CA1: variants seen among roughly 807,000 people sequenced by gnomAD.
CA1 encodes the protein carbonic anhydrase 1.
Under a neutral mutation model 28.8 loss-of-function variants are expected in CA1, and 27 were observed. The observed-to-expected ratio is 0.94, with a 90% CI of 0.69 to 1.29. CA1 has a LOEUF of 1.29. Ranked by LOEUF, CA1 falls within the 50% of genes most tolerant of loss-of-function variation. CA1 has a pLI of 0.00. For synonymous variants in CA1, 121 were observed against 108.8 expected (o/e 1.11, Z -0.70); for missense variants, 335 against 310.5 (o/e 1.08, Z -0.59).
At chr8:85,347,825 G>A (rs1809260301) in intron 1 of CA1, among the ~76,000 whole-genome samples, 1 of 151,952 alleles carries the variant, frequency 6.6e-6, no homozygotes. Flanking sequence ...AAAACTTTAG[G>A]TGTTGATTTC....
At chr8:85,344,126 TAA>T (rs1809035126) in intron 1 of CA1, among the ~76,000 whole-genome samples, 1 of 138,492 alleles carries the variant, frequency 7.2e-6, no homozygotes, top group Non-Finnish European at 1.5e-5. Flanking sequence ...ATATAAAATT[TAA>T]ATTTATATAT....
At chr8:85,351,324 C>T (rs747819275) in intron 1 of CA1, among the ~76,000 whole-genome samples, 4 of 152,032 alleles carry the variant, frequency 2.6e-5, no homozygotes, top group Non-Finnish European at 5.9e-5. Context: ...TCAGAGGTGG[C>T]GAATGAAACT....
chr8:85,332,110 A>G lies in CA1; in HGVS notation c.513+380T>C, dbSNP rs532898654. On this transcript the variant is annotated intron_variant, in intron 6 of 7. Transcript: ENST00000523022. ...GGTTATCAAAGATTGTATATCAACC[A>G]TATCTCAAAAGAATGCCCTTTACTT... Among the ~76,000 whole-genome samples the G allele has an allele frequency of 1.1e-4, 17 of 152,302 alleles. No homozygotes were observed. In the South Asian group the frequency reaches 3.3e-3, roughly 30 times the overall value.
At chr8:85,328,818 C>T (rs1241380463) in intron 7 of CA1, 142 bp from the exon 8 acceptor site, 1 of 474,642 alleles carries the variant, frequency 2.1e-6, no homozygotes, top group African/African-American at 2.0e-5. Context: ...GAGAAAGCCC[C>T]AAATCCTTTA....
intron 1 of CA1, among the ~76,000 whole-genome samples, chr8:85,373,629 T>A (rs1467828926): frequency 6.6e-6 from 1 of 152,202 alleles, no homozygotes; most frequent in African/African-American, 2.4e-5. Context: ...CATAGATGTG[T>A]TTGTATAAGG....
At chr8:85,369,151 G>T (rs1289361167) in intron 1 of CA1, among the ~76,000 whole-genome samples, 1 of 152,088 alleles carries the variant, frequency 6.6e-6, no homozygotes, top group East Asian at 1.9e-4. Flanking sequence ...TAACTGCATG[G>T]CTATTTGAGA....
At chr8:85,353,741 A>G (rs1392422529) in intron 1 of CA1, among the ~76,000 whole-genome samples, 1 of 152,034 alleles carries the variant, frequency 6.6e-6, no homozygotes, top group Non-Finnish European at 1.5e-5. Flanking sequence ...CCATTCCTCA[A>G]TCAATGGGCA....
rs1185105949 is a variant in CA1 at position 85,335,459 on chromosome 8, T to G, written c.354+1486A>C. Among the ~76,000 whole-genome samples the G allele has an allele frequency of 7.2e-5, 11 of 152,290 alleles. No individual in the cohort carries two copies. The East Asian group carries it at 2.1e-3, about 29-fold the overall frequency. ...TAGGAATACTGGAGCGTAGAGTGATTTGTTTGAATTTGTACAGCTAGTAAG... is the reference window on the plus strand; with the variant it reads ...TAGGAATACTGGAGCGTAGAGTGATGTGTTTGAATTTGTACAGCTAGTAAG... On this transcript the variant is annotated intron_variant, in intron 4 of 7. Coordinates refer to ENST00000523022, the MANE Select transcript of CA1 (RefSeq NM_001128831.4).
intron 6 of CA1, chr8:85,332,254 C>T (rs1483220115): frequency 1.9e-5 from 8 of 419,206 alleles, no homozygotes; most frequent in Non-Finnish European, 3.4e-5. Flanking sequence ...TGGTTTTCTA[C>T]AGGCCATATT....
intron 1 of CA1, among the ~76,000 whole-genome samples, chr8:85,347,333 C>T (rs1219452059): frequency 6.6e-6 from 1 of 152,080 alleles, no homozygotes; most frequent in East Asian, 1.9e-4. Context: ...TTTAGATGAT[C>T]AACAAATAAG....
At chr8:85,351,536 C>T (rs1340933807) in intron 1 of CA1, among the ~76,000 whole-genome samples, 1 of 152,220 alleles carries the variant, frequency 6.6e-6, no homozygotes, top group Non-Finnish European at 1.5e-5. Flanking sequence ...ACTCAAAAAA[C>T]AGCCCAGTGG....
At chr8:85,338,228 T>C (rs753149736) in intron 3 of CA1, 24 bp downstream of exon 3, 5 of 1,592,078 alleles carry the variant, frequency 3.1e-6, no homozygotes, top group Non-Finnish European at 4.3e-6. Flanking sequence ...AAGAAAAAAA[T>C]ATCAGAAGGG....
chr8:85,342,055 C>T (rs997690888), intron 1 of CA1, among the ~76,000 whole-genome samples: 2 of 152,000 alleles, frequency 1.3e-5, no homozygotes, highest in African/African-American at 4.8e-5. Flanking sequence ...GCAATATATG[C>T]AAAAGTAATT....
chr8:85,327,768 T>A lies in CA1; in HGVS notation c.*792A>T, dbSNP rs1808236650. On this transcript the variant is annotated 3_prime_UTR_variant, in exon 8 of 8. Transcript: ENST00000523022. ...TGAAGCGCACATCTGACTAAAAGAT[T>A]GCATGATGTTTCTATATGATTCTAA... 1 of 152,226 alleles carries A rather than the reference T, an allele frequency of 6.6e-6. No individual in the cohort carries two copies. The highest frequency in any genetic ancestry group is 1.5e-5 in the Non-Finnish European group (1 of 68,058). 9.4% of individuals were successfully genotyped at this position (152,226 alleles called of 1,614,324 possible).
chr8:85,329,543 A>G (rs1018800586), intron 7 of CA1, 146 bp downstream of exon 7: 5 of 784,522 alleles, frequency 6.4e-6, no homozygotes, highest in African/African-American at 3.4e-5. Context: ...TAATAAACCT[A>G]TGTCCCCAAA....
At chr8:85,332,972 C>G (rs1393306725) in intron 5 of CA1, among the ~76,000 whole-genome samples, 3 of 151,970 alleles carry the variant, frequency 2.0e-5, no homozygotes, top group African/African-American at 4.8e-5. Flanking sequence ...ACTTGGTTAC[C>G]CGGGCATACC....
In CA1 at chr8:85,338,356, G is replaced by A; in HGVS notation, c.131C>T (p.Ser44Phe). 2 of 1,613,656 alleles carry A rather than the reference G, an allele frequency of 1.2e-6. No homozygotes were observed. The highest frequency in any genetic ancestry group is 1.7e-6 in the Non-Finnish European group (2 of 1,179,562). The change falls in exon 3 of 8, where the codon TCT becomes TTT. Residue 44 changes from serine to phenylalanine, a missense_variant. Transcript: ENST00000523022. ...IKTSETKHDT[S>F]LKPISVSYNP... is the part of the protein sequence containing the mutation. ...GTAGGAGACACTAATAGGTTTCAGA[G>A]AGGTGTCATGTTTGGTTTCACTGGT...
In CA1 at chr8:85,341,639, C is replaced by G. The variant is rs1808938364; in HGVS notation, c.-4G>C. The G allele has an allele frequency of 5.0e-6, 8 of 1,592,386 alleles. No individual in the cohort carries two copies. Among genetic ancestry groups the G allele is most frequent in the Non-Finnish European group, 6.9e-6 (8 of 1,160,562 alleles). On this transcript the variant is annotated 5_prime_UTR_variant, in exon 2 of 8. Transcript: ENST00000523022. ...ATCCCCAGTCTGGACTTGCCATTAT[C>G]TTCTACTGAGTTTTCTTTTTCTGAA...
chr8:85,333,520 C>T lies in CA1; in HGVS notation c.450+5G>A. ...AGCAGAGCTGTGTAATTATCTGTAA[C>T]TCACCTTCATCAAAACACCAATAAC... is the stretch of plus-strand genomic sequence containing the variant. On this transcript the variant is annotated splice_donor_5th_base_variant and intron_variant, in intron 5 of 7. Coordinates refer to ENST00000523022, the MANE Select transcript of CA1 (RefSeq NM_001128831.4). The T allele has an allele frequency of 1.3e-6, 2 of 1,584,884 alleles. No homozygotes were observed. The highest frequency in any genetic ancestry group is 2.2e-5 in the South Asian group (2 of 90,406).
Sources: allele counts gnomAD v4.1 joint callset (sites outside exome capture counted in the v4.1 genomes callset), GRCh38; gene constraint gnomAD v4.1.1; transcripts MANE v1.5; gene names NCBI Gene and HGNC (gene_info 2026-07-23, HGNC 2026-07-21).